SP3: variants seen among roughly 807,000 people sequenced by gnomAD.
SP3 encodes the protein transcription factor Sp3.
In SP3, 10 loss-of-function variants were observed where a neutral mutation model predicts 70.3. The observed-to-expected ratio is 0.14, with a 90% CI of 0.09 to 0.24. SP3 has a LOEUF of 0.24. Ranked by LOEUF, SP3 falls within the 10% of genes least tolerant of loss-of-function variation. The probability of loss-of-function intolerance (pLI) is 1.00; values close to 1 mark genes in which losing one functional copy is unlikely to be tolerated. For synonymous variants in SP3, 402 were observed against 333.5 expected, an observed-to-expected ratio of 1.21 and a Z score of -2.24; for missense variants, 825 against 914.6, an observed-to-expected ratio of 0.90 and a Z score of 1.26.
Position 173,955,073 on chromosome 2 carries a change from T to C in SP3, c.1439A>G (p.Gln480Arg), listed in dbSNP as rs1320536200. The part of the protein sequence containing the change: ...GVQNLQNLQI[Q>R]NTAAQQITLT... ...AGTTATTTGTTGGGCAGCAGTATTCTGTATTTGCAAATTCTGCAAGTTCTG... is the reference window on the plus strand; with the variant it reads ...AGTTATTTGTTGGGCAGCAGTATTCCGTATTTGCAAATTCTGCAAGTTCTG... The change falls in exon 4 of 7, where the codon CAG becomes CGG. Residue 480 changes from glutamine to arginine, a missense_variant. This residue lies in a region of SP3 where 678 missense variants were observed against 651.6 expected (regional missense o/e 1.04). Coordinates refer to ENST00000310015, the MANE Select transcript of SP3 (RefSeq NM_003111.5). 3.1e-6 allele frequency: 5 copies of C among 1,614,116 alleles called. No homozygotes were observed. Among genetic ancestry groups the C allele is most frequent in the Non-Finnish European group, 2.5e-6 (3 of 1,180,040 alleles).
At position 173,905,885 on chromosome 2, in the gene SP3, G is replaced by A. The variant is rs1689300088; in HGVS notation, c.*4056C>T. On this transcript the variant is annotated 3_prime_UTR_variant, in exon 7 of 7. Transcript: ENST00000310015. ...ATGGTGGTGTGCACCTGTGGTCCAA[G>A]CTACTTAAGAGGCCGAAGTGGGGAG... Among the ~76,000 whole-genome samples the A allele has an allele frequency of 6.6e-6, 1 of 152,158 alleles. No individual in the cohort carries two copies. The highest frequency in any genetic ancestry group is 6.5e-5 in the Admixed American group (1 of 15,282).
rs534939672 is a variant in SP3, at chr2:173,901,645, C to T, written c.*8296G>A. On this transcript the variant is annotated 3_prime_UTR_variant, in exon 7 of 7. Transcript: ENST00000310015. ...CATCATGTGCAGTAGCCTATATCCC[C>T]AGCCGTTGGATAAAATGAACAGCAG... Among the ~76,000 whole-genome samples the T allele has an allele frequency of 4.0e-5, 6 of 151,680 alleles. No homozygotes were observed. The East Asian group carries it at 1.2e-3, about 29-fold the overall frequency.
In SP3 at chr2:173,903,953, C is replaced by T. The variant is rs1689240703; in HGVS notation, c.*5988G>A. Reference sequence around the variant, plus strand: ...CGGCGGTCCCCAAACTTTTTGGCACCAGGGACTAGTTTTGAGGAAGACAAT... The same window carrying T: ...CGGCGGTCCCCAAACTTTTTGGCACTAGGGACTAGTTTTGAGGAAGACAAT... On this transcript the variant is annotated 3_prime_UTR_variant, in exon 7 of 7. Coordinates refer to ENST00000310015, the MANE Select transcript of SP3 (RefSeq NM_003111.5). 7.4e-6 allele frequency among the ~76,000 whole-genome samples: 1 copy of T among 134,256 alleles called. No homozygotes were observed. The highest frequency in any genetic ancestry group is 2.9e-5 in the African/African-American group (1 of 34,564). 88.1% of individuals were successfully genotyped at this position (134,256 alleles called of 152,430 possible). A position where few individuals can be genotyped will look rare whatever the true frequency, so the allele number is the denominator to read the frequency against.
At chr2:173,947,153 GAAATAA>G (rs1259768239) in intron 4 of SP3, among the ~76,000 whole-genome samples, 1 of 152,114 alleles carries the variant, frequency 6.6e-6, no homozygotes, top group Non-Finnish European at 1.5e-5. Flanking sequence ...CAACATACTT[GAAATAA>G]AACTTGATCT....
In SP3 at chr2:173,904,967, G is replaced by A. The variant is rs1036029077; in HGVS notation, c.*4974C>T. Among the ~76,000 whole-genome samples the A allele has an allele frequency of 6.6e-6, 1 of 152,082 alleles. No individual in the cohort carries two copies. Among genetic ancestry groups the A allele is most frequent in the Admixed American group, 6.6e-5 (1 of 15,264 alleles). On this transcript the variant is annotated 3_prime_UTR_variant, in exon 7 of 7. Coordinates refer to ENST00000310015, the MANE Select transcript of SP3 (RefSeq NM_003111.5). The stretch of plus-strand genomic sequence containing the variant: ...GTCGCAATGAACCTGAAGATTCTTC[G>A]GCTGGTTTTTAGAAATGTTCAAATA...
rs1256996609 is a variant in SP3 at position 173,904,088 on chromosome 2, G to A, written c.*5853C>T. Among the ~76,000 whole-genome samples, 1 of 152,056 alleles carries A rather than the reference G, an allele frequency of 6.6e-6. No individual in the cohort carries two copies. Among genetic ancestry groups the A allele is most frequent in the South Asian group, 2.1e-4 (1 of 4,828 alleles). On this transcript the variant is annotated 3_prime_UTR_variant, in exon 7 of 7. Transcript: ENST00000310015. ...AAGGAGGGCACTACCTAGATCCCTC[G>A]CATGCGGGGTTCACAACGGGGTTCG...
intron 4 of SP3, among the ~76,000 whole-genome samples, chr2:173,942,761 T>C (rs72911191): frequency 0.034 from 5,116 of 152,282 alleles, 118 homozygotes; most frequent in Middle Eastern, 0.058. Flanking sequence ...CTAGATTTTC[T>C]TCATTACTAG....
chr2:173,942,964 T>C (rs1690418429), intron 4 of SP3, among the ~76,000 whole-genome samples: 1 of 152,202 alleles, frequency 6.6e-6, no homozygotes, highest in African/African-American at 2.4e-5. Context: ...AGAGATGATT[T>C]AAAGCTTGTG....
chr2:173,929,151 G>A (rs1050618366), intron 4 of SP3, among the ~76,000 whole-genome samples: 5 of 152,130 alleles, frequency 3.3e-5, no homozygotes, highest in Non-Finnish European at 7.4e-5. Context: ...GAAAGAAAAC[G>A]TGGCAAATCA....
intron 5 of SP3, among the ~76,000 whole-genome samples, chr2:173,917,115 C>T (rs1224668797): frequency 6.6e-6 from 1 of 152,004 alleles, no homozygotes; most frequent in Non-Finnish European, 1.5e-5. Flanking sequence ...TTTTTATGAG[C>T]ATGTTTTAGT....
At chr2:173,932,268 T>G (rs1690086707) in intron 4 of SP3, among the ~76,000 whole-genome samples, 1 of 152,224 alleles carries the variant, frequency 6.6e-6, no homozygotes, top group Non-Finnish European at 1.5e-5. Flanking sequence ...CTCAGCTCAC[T>G]GCAACATCTG....
At position 173,954,913 on chromosome 2, in the gene SP3, A is replaced by G; in HGVS notation, c.1599T>C (p.Gly533=). 6.2e-7 allele frequency: 1 copy of G among 1,614,168 alleles called. No homozygotes were observed. Among genetic ancestry groups the G allele is most frequent in the South Asian group, 1.1e-5 (1 of 91,088 alleles). Residue 533 remains glycine, a synonymous_variant, in exon 4 of 7, where the codon GGT becomes GGC. Coordinates refer to ENST00000310015, the MANE Select transcript of SP3 (RefSeq NM_003111.5). The part of the protein sequence containing the change: ...TVTVNSIDSA[G]IQLHPGENAD... ...CATTCTCTCCTGGATGTAGCTGTAT[A>G]CCAGCAGAATCTATAGAGTTCACTG...
At chr2:173,959,686 G>A (rs191474625) in intron 3 of SP3, among the ~76,000 whole-genome samples, 189 of 152,288 alleles carry the variant, frequency 1.2e-3, no homozygotes, top group Middle Eastern at 6.8e-3. Context: ...CCTGGAAGGC[G>A]GAGATTGCAG....
chr2:173,928,206 G>GA (rs1689972621), intron 4 of SP3, among the ~76,000 whole-genome samples: 1 of 152,174 alleles, frequency 6.6e-6, no homozygotes. Context: ...CTACTCTTAA[G>GA]AAACTCAAAC....
chr2:173,957,045 TAC>T (rs1690918064), intron 3 of SP3, among the ~76,000 whole-genome samples: 1 of 152,168 alleles, frequency 6.6e-6, no homozygotes, highest in Non-Finnish European at 1.5e-5. Context: ...AGTTGAGACA[TAC>T]ACAGTTCTCT....
At chr2:173,964,928 C>T in intron 1 of SP3, 1 of 534,236 alleles carries the variant, frequency 1.9e-6, no homozygotes, top group South Asian at 2.6e-5. Flanking sequence ...GCGCTCCCGG[C>T]GGACCGGGCC....
At chr2:173,962,549 T>G (rs1217260860) in intron 3 of SP3, among the ~76,000 whole-genome samples, 1 of 152,126 alleles carries the variant, frequency 6.6e-6, no homozygotes, top group Non-Finnish European at 1.5e-5. Flanking sequence ...GTTAATCTGC[T>G]TATGAAAAAA....
chr2:173,923,808 T>C (rs1689830038), intron 4 of SP3, among the ~76,000 whole-genome samples: 1 of 151,888 alleles, frequency 6.6e-6, no homozygotes, highest in Admixed American at 6.6e-5. Flanking sequence ...TTATTTTATT[T>C]ACATTTTCCC....
At chr2:173,941,166 C>T (rs1684913109) in intron 4 of SP3, among the ~76,000 whole-genome samples, 1 of 150,756 alleles carries the variant, frequency 6.6e-6, no homozygotes, top group Non-Finnish European at 1.5e-5. Context: ...ATTACTCTCA[C>T]TAAATCCTCT....
Sources: allele counts gnomAD v4.1 joint callset (sites outside exome capture counted in the v4.1 genomes callset), GRCh38; gene constraint gnomAD v4.1.1; regional missense constraint gnomAD v4.1.1; transcripts MANE v1.5; gene names NCBI Gene and HGNC (gene_info 2026-07-23, HGNC 2026-07-21).